Variants in SPATA22 observed in about 807,000 individuals in gnomAD.
SPATA22 encodes spermatogenesis associated 22.
Under a neutral mutation model 47.8 loss-of-function variants are expected in SPATA22, and 29 were observed. The observed-to-expected ratio is 0.61, with a 90% CI of 0.45 to 0.83. The LOEUF (loss-of-function observed/expected upper bound fraction) is 0.83. Ranked by LOEUF, SPATA22 falls within the 40% of genes least tolerant of loss-of-function variation. The probability of loss-of-function intolerance (pLI) is 0.00; values close to 1 mark genes in which losing one functional copy is unlikely to be tolerated. For missense variants in SPATA22, 410 were observed against 421.7 expected, an observed-to-expected ratio of 0.97 and a Z score of 0.24; for synonymous variants, 133 against 140.9, an observed-to-expected ratio of 0.94 and a Z score of 0.40.
At chr17:3,462,877 C>T (rs1247626132) in intron 3 of SPATA22, 110 bp from the exon 4 acceptor site, 2 of 840,526 alleles carry the variant, frequency 2.4e-6, no homozygotes, top group Non-Finnish European at 4.0e-6. Context: ...GAAGAAAAAA[C>T]TTGAATATAT....
At chr17:3,484,998 G>C (rs1157787830) in intron 1 of SPATA22, among the ~76,000 whole-genome samples, 2 of 151,892 alleles carry the variant, frequency 1.3e-5, no homozygotes, top group Non-Finnish European at 2.9e-5. Context: ...ACTTATAAAT[G>C]ATCATCATTC....
upstream of SPATA22, among the ~76,000 whole-genome samples, chr17:3,473,054 G>A (rs146188736): frequency 4.0e-5 from 6 of 149,518 alleles, no homozygotes; most frequent in South Asian, 6.4e-4. Context: ...ATCTACATAC[G>A]GATGTGCATA....
At chr17:3,483,308 T>C (rs998559819) in intron 1 of SPATA22, among the ~76,000 whole-genome samples, 2 of 152,188 alleles carry the variant, frequency 1.3e-5, no homozygotes, top group Non-Finnish European at 2.9e-5. Flanking sequence ...GTATATGAAT[T>C]TCATATTGTA....
intron 1 of SPATA22, among the ~76,000 whole-genome samples, chr17:3,504,779 G>A (rs1478019249): frequency 6.6e-6 from 1 of 151,984 alleles, no homozygotes; most frequent in African/African-American, 2.4e-5. Flanking sequence ...GGCTGGTCTC[G>A]AACCCCCGAA....
chr17:3,483,516 A>T (rs753998173), intron 1 of SPATA22: 1 of 1,614,072 alleles, frequency 6.2e-7, no homozygotes, highest in South Asian at 1.1e-5. Context: ...TGGCTCCACT[A>T]CCCTGCTACG....
In SPATA22 at chr17:3,494,249, C is replaced by A; in HGVS notation, c.-74+19163G>T. 1.4e-5 allele frequency: 12 copies of A among 843,866 alleles called. No homozygotes were observed. The South Asian group carries it at 1.5e-4, about 10-fold the overall frequency. 52.3% of individuals were successfully genotyped at this position (843,866 alleles called of 1,614,324 possible). ...GAACTCCTGACCTCAGGTGATCCAC[C>A]CAACTCGGCCTCCCAAAGTGCTGGG... On this transcript the variant is annotated intron_variant, in intron 1 of 8. Coordinates refer to the SPATA22 transcript ENST00000541913.
At chr17:3,449,249 A>G (rs1015012297) in intron 5 of SPATA22, 100 bp from the exon 6 acceptor site, 9 of 865,716 alleles carry the variant, frequency 1.0e-5, no homozygotes, top group African/African-American at 6.8e-5. Context: ...TTTATGACTT[A>G]GAAAGCACTT....
At chr17:3,494,194 G>C (rs2150758797) in intron 1 of SPATA22, among the ~76,000 whole-genome samples, 1 of 152,072 alleles carries the variant, frequency 6.6e-6, no homozygotes, top group Non-Finnish European at 1.5e-5. Context: ...TAGTGGAGAT[G>C]GGGTTCACCA....
intron 1 of SPATA22, among the ~76,000 whole-genome samples, chr17:3,486,399 G>A (rs1424837850): frequency 6.6e-6 from 1 of 152,168 alleles, no homozygotes; most frequent in Non-Finnish European, 1.5e-5. Flanking sequence ...ATATGCAGAA[G>A]ATCCATGAAG....
chr17:3,447,079 T>C (rs1478274412), intron 6 of SPATA22, among the ~76,000 whole-genome samples: 1 of 152,142 alleles, frequency 6.6e-6, no homozygotes. Flanking sequence ...TCGAAGATTT[T>C]ATTGTCTAGT....
At chr17:3,483,816 C>A (rs1179290626) in intron 1 of SPATA22, among the ~76,000 whole-genome samples, 1 of 152,088 alleles carries the variant, frequency 6.6e-6, no homozygotes, top group African/African-American at 2.4e-5. Context: ...GCATGTGCCA[C>A]CCTGTAATTT....
Position 3,485,341 on chromosome 17 carries a change from C to T in SPATA22, c.-73-15943G>A, listed in dbSNP as rs2073700446. On this transcript the variant is annotated intron_variant, in intron 1 of 8. Coordinates refer to the SPATA22 transcript ENST00000541913. The surrounding 1 kb of genome is among the most constrained non-coding windows in gnomAD (Gnocchi z 4.4). ...CACAGTTTTAATCACACCTATCCCA[C>T]ACAGACTTATACAAACTTATCCATT... Among the ~76,000 whole-genome samples, 1 of 152,136 alleles carries T rather than the reference C, an allele frequency of 6.6e-6. No individual in the cohort carries two copies. The highest frequency in any genetic ancestry group is 2.4e-5 in the African/African-American group (1 of 41,418).
intron 5 of SPATA22, among the ~76,000 whole-genome samples, chr17:3,456,079 T>G (rs930830114): frequency 5.3e-5 from 8 of 152,322 alleles, no homozygotes; most frequent in Admixed American, 3.9e-4. Flanking sequence ...AATTCACTCA[T>G]GATTTGGCTC....
Position 3,512,292 on chromosome 17 carries a change from G to C in SPATA22, c.-74+1120C>G, listed in dbSNP as rs886052847. On this transcript the variant is annotated intron_variant, in intron 1 of 8. Transcript: ENST00000541913. ...CACGCGATTACTCCCTGGGTCAGCT[G>C]GGAGGGCAGGGGCTGCTGTGGATTG... 5 of 147,382 alleles carry C rather than the reference G, an allele frequency of 3.4e-5. No individual in the cohort carries two copies. The highest frequency in any genetic ancestry group is 2.1e-4 in the Admixed American group (3 of 14,396). 9.1% of individuals were successfully genotyped at this position (147,382 alleles called of 1,614,324 possible). A position where few individuals can be genotyped will look rare whatever the true frequency, so the allele number is the denominator to read the frequency against.
chr17:3,508,033 A>G (rs1178304919), intron 1 of SPATA22, among the ~76,000 whole-genome samples: 1 of 152,196 alleles, frequency 6.6e-6, no homozygotes, highest in Non-Finnish European at 1.5e-5. Context: ...AACAAGATAC[A>G]TCCCAGTGAA....
At chr17:3,475,251 C>G (rs988433214), upstream of SPATA22, among the ~76,000 whole-genome samples, 1 of 152,124 alleles carries the variant, frequency 6.6e-6, no homozygotes, top group Non-Finnish European at 1.5e-5. Context: ...TAATAAGACC[C>G]CTTTTTGAGT....
At chr17:3,442,492 A>G (rs906280273) in intron 8 of SPATA22, among the ~76,000 whole-genome samples, 5 of 151,954 alleles carry the variant, frequency 3.3e-5, no homozygotes, top group East Asian at 1.9e-4. Context: ...TACAGCCTCA[A>G]TGTGTGTAGG....
intron 5 of SPATA22, among the ~76,000 whole-genome samples, chr17:3,455,392 A>T (rs1425678899): frequency 6.6e-6 from 1 of 150,850 alleles, no homozygotes; most frequent in Non-Finnish European, 1.5e-5. Flanking sequence ...CTGAATGGTA[A>T]TGCCTAGGTT....
rs2073442879 is a variant in SPATA22 at position 3,471,766 on chromosome 17, G to A, written c.-158C>T. 4.6e-5 allele frequency: 45 copies of A among 985,646 alleles called. No homozygotes were observed. Among genetic ancestry groups the A allele is most frequent in the Non-Finnish European group, 5.3e-5 (44 of 830,116 alleles). 61.1% of individuals were successfully genotyped at this position (985,646 alleles called of 1,614,324 possible). On this transcript the variant is annotated 5_prime_UTR_variant, in exon 1 of 9. Coordinates refer to ENST00000572969, the MANE Select transcript of SPATA22 (RefSeq NM_001170698.2). ...CTCGCCTCCGTCAACCGTCGTCCAG[G>A]CGGCCCCGTCAGCAACCGCCGCCCT...
Sources: gnomAD v4.1 joint callset for allele counts (sites outside exome capture counted in the v4.1 genomes callset) on GRCh38, gnomAD v4.1.1 for gene constraint, Gnocchi (gnomAD v3.1) non-coding constraint, MANE v1.5 for transcripts, NCBI Gene and HGNC (gene_info 2026-07-23, HGNC 2026-07-21) for gene names.